Variants in VAV2 observed in about 807,000 individuals in gnomAD.
VAV2 encodes the protein guanine nucleotide exchange factor VAV2.
Under a neutral mutation model 132.5 loss-of-function variants are expected in VAV2, and 67 were observed. That is an observed-to-expected ratio of 0.51 (90% CI 0.42 to 0.62). VAV2 has a LOEUF of 0.62. Ranked by LOEUF, VAV2 falls within the 20% of genes least tolerant of loss-of-function variation. VAV2 has a pLI of 0.00. For missense variants in VAV2, 938 were observed against 1,153.6 expected (o/e 0.81, Z 2.71); for synonymous variants, 492 against 443.5 (o/e 1.11, Z -1.37).
intron 2 of VAV2, among the ~76,000 whole-genome samples, chr9:133,906,505 A>G (rs1839658760): frequency 6.6e-6 from 1 of 152,166 alleles, no homozygotes; most frequent in Non-Finnish European, 1.5e-5. Context: ...CAGGACCCCC[A>G]GCTTCAATCC....
rs1382655187 is a variant in VAV2, at chr9:133,928,438, A to T, written c.321+10665T>A. Reference sequence around the variant, plus strand: ...CCCAGCGAGGAGCGACTGCATTTTAATAAGTAATTAGTGTGGAGTGGATGC... The same window carrying T: ...CCCAGCGAGGAGCGACTGCATTTTATTAAGTAATTAGTGTGGAGTGGATGC... On this transcript the variant is annotated intron_variant, in intron 2 of 29. Coordinates refer to ENST00000371850, the MANE Select transcript of VAV2 (RefSeq NM_001134398.2). This position sits in a 1 kb window ranked among gnomAD's most constrained non-coding sequence, Gnocchi z 5.4. Among the ~76,000 whole-genome samples the T allele has an allele frequency of 6.6e-6, 1 of 152,212 alleles. No homozygotes were observed. Among genetic ancestry groups the T allele is most frequent in the African/African-American group, 2.4e-5 (1 of 41,440 alleles).
chr9:133,939,344 G>C (rs1841047587), intron 1 of VAV2, 125 bp from the exon 2 acceptor site: 1 of 868,494 alleles, frequency 1.2e-6, no homozygotes, highest in Non-Finnish European at 1.9e-6. Context: ...GCTCATTCCT[G>C]TTTTCTCAAG....
chr9:133,765,330 A>G (rs1382775238), intron 29 of VAV2, among the ~76,000 whole-genome samples: 1 of 152,236 alleles, frequency 6.6e-6, no homozygotes, highest in Non-Finnish European at 1.5e-5. Flanking sequence ...ATATAATCTT[A>G]AACACATGAT....
intron 15 of VAV2, 85 bp from the exon 16 acceptor site, chr9:133,787,345 G>A (rs1834269441): frequency 1.4e-6 from 2 of 1,382,178 alleles, no homozygotes; most frequent in South Asian, 1.9e-5. Context: ...CAGTGTGGAG[G>A]CGCCAGGAGC....
intron 1 of VAV2, among the ~76,000 whole-genome samples, chr9:133,956,423 CTG>C (rs891915572): frequency 6.6e-6 from 1 of 152,152 alleles, no homozygotes; most frequent in Non-Finnish European, 1.5e-5. Flanking sequence ...CTAGGGTACT[CTG>C]TCTTTCTACC....
rs1051196328 is a variant in VAV2, at chr9:133,984,349, C to T, written c.204+7726G>A. ...AAGATTTCTTCTGACTGCAGTGGCT[C>T]ATGCCTGTAATCCCAACACTTTGGG... is the stretch of plus-strand genomic sequence containing the variant. On this transcript the variant is annotated intron_variant, in intron 1 of 29. Coordinates refer to ENST00000371850, the MANE Select transcript of VAV2 (RefSeq NM_001134398.2). Among the ~76,000 whole-genome samples, 13 of 152,076 alleles carry T rather than the reference C, an allele frequency of 8.5e-5. No individual in the cohort carries two copies. In the East Asian group the frequency reaches 1.8e-3, roughly 20 times the overall value.
chr9:133,900,234 A>T (rs1389608337), intron 2 of VAV2, among the ~76,000 whole-genome samples: 1 of 151,964 alleles, frequency 6.6e-6, no homozygotes. Flanking sequence ...AAAGAAAAGT[A>T]AAACCATGGA....
intron 25 of VAV2, among the ~76,000 whole-genome samples, chr9:133,773,519 A>T (rs1833709182): frequency 6.6e-6 from 1 of 152,236 alleles, no homozygotes; most frequent in Non-Finnish European, 1.5e-5. Context: ...TAACTTTATA[A>T]ACTTCTTAAT....
chr9:133,791,740 T>A lies in VAV2; in HGVS notation c.1188+43A>T, dbSNP rs1462741533. 5 of 1,552,780 alleles carry A rather than the reference T, an allele frequency of 3.2e-6. No homozygotes were observed. The African/African-American group carries it at 5.4e-5, about 17-fold the overall frequency. Reference sequence around the variant, plus strand: ...CTGTGAACGTGACTTTATAGGTACGTCCTCATCGACCTTCCCTAGCCTGAA... The same window carrying A: ...CTGTGAACGTGACTTTATAGGTACGACCTCATCGACCTTCCCTAGCCTGAA... On this transcript the variant is annotated intron_variant, in intron 13 of 29. Coordinates refer to ENST00000371850, the MANE Select transcript of VAV2 (RefSeq NM_001134398.2).
intron 2 of VAV2, among the ~76,000 whole-genome samples, chr9:133,897,594 G>A (rs946056024): frequency 1.3e-5 from 2 of 152,112 alleles, no homozygotes; most frequent in African/African-American, 4.8e-5. Context: ...GAGCTCTGCT[G>A]TCTCCCCACC....
chr9:133,804,937 C>T lies in VAV2; in HGVS notation c.836+1144G>A, dbSNP rs76724660. On this transcript the variant is annotated intron_variant, in intron 9 of 29. Coordinates refer to ENST00000371850, the MANE Select transcript of VAV2 (RefSeq NM_001134398.2). This position sits in a 1 kb window ranked among gnomAD's most constrained non-coding sequence, Gnocchi z 4.5. ...GCTCCCTCGTGTCTCCGGGAACCCTCCAAGCCATGGCCCCTGGAGAGCAGG... is the reference window on the plus strand; with the variant it reads ...GCTCCCTCGTGTCTCCGGGAACCCTTCAAGCCATGGCCCCTGGAGAGCAGG... Among the ~76,000 whole-genome samples the T allele has an allele frequency of 6.6e-6, 1 of 152,200 alleles. No homozygotes were observed. Among genetic ancestry groups the T allele is most frequent in the African/African-American group, 2.4e-5 (1 of 41,454 alleles).
At position 133,871,436 on chromosome 9, in the gene VAV2, TGATTGATG is replaced by T. The variant is rs1387650405; in HGVS notation, c.322-10012_322-10005del. On this transcript the variant is annotated intron_variant, in intron 2 of 29. Coordinates refer to ENST00000371850, the MANE Select transcript of VAV2 (RefSeq NM_001134398.2). The stretch of plus-strand genomic sequence containing the variant: ...TGGATGGATGGACAGATGGATGGAT[TGATTGATG>T]GATGGATGGATGGATGGAGAAGCGG... Among the ~76,000 whole-genome samples, 1,325 of 135,500 alleles carry T rather than the reference TGATTGATG, an allele frequency of 9.8e-3. 27 individuals are homozygous for T. Among genetic ancestry groups the T allele is most frequent in the African/African-American group, 0.034 (1,231 of 35,926 alleles). The allele number at this position is 135,500 out of a possible 152,430, so 88.9% of individuals were successfully genotyped here.
chr9:133,782,672 C>T (rs1297510937), intron 19 of VAV2, among the ~76,000 whole-genome samples: 4 of 152,224 alleles, frequency 2.6e-5, no homozygotes, highest in Admixed American at 6.5e-5. Flanking sequence ...TCAGGAGGCT[C>T]AAGGAGACAA....
At position 133,920,017 on chromosome 9, in the gene VAV2, G is replaced by C. The variant is rs146760395; in HGVS notation, c.321+19086C>G. Among the ~76,000 whole-genome samples the C allele has an allele frequency of 9.3e-3, 1,414 of 152,288 alleles. 14 individuals are homozygous for C. Among genetic ancestry groups the C allele is most frequent in the African/African-American group, 0.031 (1,308 of 41,572 alleles). ...AGCCACGTGCCAGGAGGCCAGACAG[G>C]CCTGGGCGTGGGCCCCAGTGTGGAC... is the stretch of plus-strand genomic sequence containing the variant. On this transcript the variant is annotated intron_variant, in intron 2 of 29. Transcript: ENST00000371850.
chr9:133,764,446 C>T (rs1167563760), intron 29 of VAV2, among the ~76,000 whole-genome samples: 1 of 152,070 alleles, frequency 6.6e-6, no homozygotes, highest in Admixed American at 6.5e-5. Context: ...ATGACAAAAA[C>T]CAATAGAAAA....
intron 2 of VAV2, among the ~76,000 whole-genome samples, chr9:133,938,292 C>A (rs986474527): frequency 6.6e-6 from 1 of 152,200 alleles, no homozygotes; most frequent in Admixed American, 6.5e-5. Flanking sequence ...ACCGTCAGCA[C>A]CTCCGGCGTC....
chr9:133,796,772 C>A (rs1029125206), intron 10 of VAV2, among the ~76,000 whole-genome samples: 1 of 152,112 alleles, frequency 6.6e-6, no homozygotes, highest in Non-Finnish European at 1.5e-5. Flanking sequence ...GAGACACGTG[C>A]GATGCTACGG....
rs1835874938 is a variant in VAV2, at chr9:133,823,571, T to A, written c.449+10701A>T. Among the ~76,000 whole-genome samples the A allele has an allele frequency of 6.6e-6, 1 of 152,170 alleles. No individual in the cohort carries two copies. The highest frequency in any genetic ancestry group is 2.4e-5 in the African/African-American group (1 of 41,436). ...CGTCAAAAGGGAGAAGTCTTCCTCTTCCTGGAGTTCCAGAACAGCACGAGG... is the reference window on the plus strand; with the variant it reads ...CGTCAAAAGGGAGAAGTCTTCCTCTACCTGGAGTTCCAGAACAGCACGAGG... On this transcript the variant is annotated intron_variant, in intron 4 of 29. Coordinates refer to ENST00000371850, the MANE Select transcript of VAV2 (RefSeq NM_001134398.2). The surrounding 1 kb of genome is among the most constrained non-coding windows in gnomAD (Gnocchi z 5.5).
chr9:133,967,456 C>T (rs981576586), intron 1 of VAV2, among the ~76,000 whole-genome samples: 2 of 152,202 alleles, frequency 1.3e-5, no homozygotes, highest in Non-Finnish European at 2.9e-5. Context: ...GCACTCCCAC[C>T]TTTACCGTAG....
Sources: allele counts gnomAD v4.1 joint callset (sites outside exome capture counted in the v4.1 genomes callset), GRCh38; gene constraint gnomAD v4.1.1; non-coding constraint Gnocchi (gnomAD v3.1); transcripts MANE v1.5; gene names NCBI Gene and HGNC (gene_info 2026-07-23, HGNC 2026-07-21).